PDE8B: variants seen among roughly 807,000 people sequenced by gnomAD.
The protein encoded by PDE8B is high affinity cAMP-specific and IBMX-insensitive 3',5'-cyclic phosphodiesterase 8B.
Under a neutral mutation model 101.3 loss-of-function variants are expected in PDE8B, and 26 were observed. The ratio of observed to expected loss-of-function variants is 0.26; its 90% CI spans 0.19 to 0.36. PDE8B has a LOEUF of 0.36. PDE8B is among the 10% of genes least tolerant of loss of function. PDE8B has a pLI of 1.00. For synonymous variants in PDE8B, 424 were observed against 429.3 expected (o/e 0.99, Z 0.15); for missense variants, 810 against 1,163.1 (o/e 0.70, Z 4.42).
chr5:77,160,016 G>A, the PDE8B span, among the ~76,000 whole-genome samples: 1 of 152,134 alleles, frequency 6.6e-6, no homozygotes, highest in Non-Finnish European at 1.5e-5. Context: ...CATAACAGAG[G>A]CATAAACCTA....
chr5:77,308,634 AATGATAT>A, intron 1 of PDE8B, among the ~76,000 whole-genome samples: 1 of 152,256 alleles, frequency 6.6e-6, no homozygotes. Context: ...TAGGAAGAAA[AATGATAT>A]ATCTTCTAGC....
intron 7 of PDE8B, among the ~76,000 whole-genome samples, chr5:77,349,003 T>C (rs1414901887): frequency 6.6e-6 from 1 of 152,222 alleles, no homozygotes; most frequent in African/African-American, 2.4e-5. Context: ...TTTCTTTTTT[T>C]AACTACAAAC....
intron 1 of PDE8B, among the ~76,000 whole-genome samples, chr5:77,224,008 G>A (rs1027659577): frequency 1.3e-5 from 2 of 152,162 alleles, no homozygotes; most frequent in African/African-American, 4.8e-5. Flanking sequence ...TAACACCTTT[G>A]TAAACAGTTC....
chr5:77,125,337 A>T, the PDE8B span, among the ~76,000 whole-genome samples: 4 of 152,342 alleles, frequency 2.6e-5, no homozygotes, highest in African/African-American at 9.6e-5. Context: ...ATGTAGAGAA[A>T]TTGGAACTCT....
At chr5:77,290,490 G>A (rs189364363) in intron 1 of PDE8B, 8 of 1,464,862 alleles carry the variant, frequency 5.5e-6, no homozygotes, top group African/African-American at 1.4e-5. Flanking sequence ...GAAAATCTGG[G>A]CAGATATTCC....
chr5:77,363,154 A>G (rs1783451494), intron 10 of PDE8B, among the ~76,000 whole-genome samples: 1 of 151,952 alleles, frequency 6.6e-6, no homozygotes, highest in Non-Finnish European at 1.5e-5. Context: ...CCTTACCACA[A>G]CTCCAGGAGG....
chr5:77,424,479 G>GT (rs1454889901), intron 20 of PDE8B, among the ~76,000 whole-genome samples: 10 of 152,122 alleles, frequency 6.6e-5, no homozygotes, highest in Non-Finnish European at 1.2e-4. Context: ...GATGGCCTTA[G>GT]TTTAATGTGC....
At chr5:77,176,070 T>G in the PDE8B span, among the ~76,000 whole-genome samples, 2 of 152,210 alleles carry the variant, frequency 1.3e-5, no homozygotes, top group South Asian at 4.1e-4. Flanking sequence ...TTGTGTCCTC[T>G]TAGAAAACTA....
At chr5:77,327,883 T>C (rs1776349415) in intron 3 of PDE8B, among the ~76,000 whole-genome samples, 1 of 152,056 alleles carries the variant, frequency 6.6e-6, no homozygotes, top group Non-Finnish European at 1.5e-5. Context: ...CCCCACACAG[T>C]GTGAGGGCTC....
At chr5:77,419,557 CATAAGGGTCAGCT>C (rs1421969323) in intron 18 of PDE8B, among the ~76,000 whole-genome samples, 197 bp from the exon 19 acceptor site, 3 of 152,190 alleles carry the variant, frequency 2.0e-5, no homozygotes, top group Non-Finnish European at 4.4e-5. Context: ...TCATAAATCA[CATAAGGGTCAGCT>C]ATCACTGGGG....
At chr5:77,311,401 T>C (rs1489030578) in intron 1 of PDE8B, among the ~76,000 whole-genome samples, 2 of 152,198 alleles carry the variant, frequency 1.3e-5, no homozygotes, top group Non-Finnish European at 1.5e-5. Context: ...TGGTGTGGTG[T>C]TGCTCAGTTT....
At chr5:77,262,191 G>T (rs1396976099) in intron 1 of PDE8B, among the ~76,000 whole-genome samples, 1 of 147,872 alleles carries the variant, frequency 6.8e-6, no homozygotes, top group African/African-American at 2.6e-5. Context: ...AGTGTGCCTG[G>T]TAAAAAAAAA....
chr5:77,418,892 A>T (rs1796089428), intron 18 of PDE8B, among the ~76,000 whole-genome samples: 1 of 152,014 alleles, frequency 6.6e-6, no homozygotes, highest in Admixed American at 6.6e-5. Context: ...CTCTGATGAG[A>T]GTGGGTTAGA....
chr5:77,389,063 C>T (rs1359229274), intron 10 of PDE8B, among the ~76,000 whole-genome samples: 1 of 152,144 alleles, frequency 6.6e-6, no homozygotes. Context: ...CTTCAGTCTC[C>T]TTTCCAGGAG....
intron 1 of PDE8B, among the ~76,000 whole-genome samples, chr5:77,280,684 A>G (rs1257588065): frequency 6.6e-6 from 1 of 152,154 alleles, no homozygotes. Context: ...TCACAAGGTC[A>G]GGAATTTGAG....
intron 1 of PDE8B, among the ~76,000 whole-genome samples, chr5:77,223,313 C>T (rs901959838): frequency 6.6e-6 from 1 of 151,124 alleles, no homozygotes; most frequent in Admixed American, 6.6e-5. Context: ...ATACATGTGC[C>T]ATGCTGGTGT....
At chr5:77,321,245 G>A (rs559628193) in intron 2 of PDE8B, among the ~76,000 whole-genome samples, 2 of 142,006 alleles carry the variant, frequency 1.4e-5, no homozygotes, top group South Asian at 2.1e-4. Context: ...TCTGCCTCTC[G>A]GGTTCAAGCA....
chr5:77,235,313 T>C (rs35981544), intron 1 of PDE8B, among the ~76,000 whole-genome samples: 3 of 152,210 alleles, frequency 2.0e-5, no homozygotes, highest in Admixed American at 6.5e-5. Flanking sequence ...TAGTATATTA[T>C]TCAATTGATG....
intron 4 of PDE8B, among the ~76,000 whole-genome samples, chr5:77,329,822 G>T (rs1776772298): frequency 6.6e-6 from 1 of 152,146 alleles, no homozygotes; most frequent in Admixed American, 6.5e-5. Context: ...CTGCATTATG[G>T]CATTTGGCAC....
Sources: gnomAD v4.1 joint callset for allele counts (sites outside exome capture counted in the v4.1 genomes callset) on GRCh38, gnomAD v4.1.1 for gene constraint, MANE v1.5 for transcripts, NCBI Gene and HGNC (gene_info 2026-07-23, HGNC 2026-07-21) for gene names.